The following PDE4D variants were observed in gnomAD, a reference collection of about 807,000 sequenced individuals.
The protein encoded by PDE4D is 3',5'-cyclic-AMP phosphodiesterase 4D.
In PDE4D, 24 loss-of-function variants were observed where a neutral mutation model predicts 87.4. The ratio of observed to expected loss-of-function variants is 0.27; its 90% CI spans 0.20 to 0.39. The LOEUF (loss-of-function observed/expected upper bound fraction) is 0.39, where lower values mean the gene tolerates loss of function less well. PDE4D is among the 10% of genes least tolerant of loss of function. The pLI is 1.00. For synonymous variants in PDE4D, 384 were observed against 383.2 expected (o/e 1.00, Z -0.02); for missense variants, 714 against 1,041.0 (o/e 0.69, Z 4.32).
intron 1 of PDE4D, among the ~76,000 whole-genome samples, chr5:60,243,269 G>C (rs1170190753): frequency 2.0e-5 from 3 of 151,750 alleles, no homozygotes; most frequent in African/African-American, 7.3e-5. Flanking sequence ...GGCTGAACCA[G>C]GAACAAATCC....
intron 3 of PDE4D, among the ~76,000 whole-genome samples, chr5:59,946,785 A>G (rs1022254754): frequency 2.6e-5 from 4 of 152,134 alleles, no homozygotes; most frequent in African/African-American, 9.7e-5. Flanking sequence ...GCATATTAGG[A>G]GTTATTTAAA....
At chr5:59,707,757 C>T (rs138455342) in intron 1 of PDE4D, among the ~76,000 whole-genome samples, 23 of 152,090 alleles carry the variant, frequency 1.5e-4, no homozygotes, top group Admixed American at 2.6e-4. Context: ...TAAGTGAGAA[C>T]ATTCATCCAC....
In PDE4D at chr5:59,984,244, G is replaced by GCAA. The variant is rs1561943179; in HGVS notation, c.272+4243_272+4244insTTG. Among the ~76,000 whole-genome samples, 3 of 83,444 alleles carry GCAA rather than the reference G, an allele frequency of 3.6e-5. No individual in the cohort carries two copies. The East Asian group carries it at 2.1e-3, about 57-fold the overall frequency. The allele number at this position is 83,444 out of a possible 152,430, so 54.7% of individuals were successfully genotyped here. On this transcript the variant is annotated intron_variant, in intron 3 of 16. Transcript: ENST00000502484. ...CCTTAATAAAAAGATTTTATGAAAGGTAATAGAAAATTATTTAGGAGGAAA... is the reference window on the plus strand; with the variant it reads ...CCTTAATAAAAAGATTTTATGAAAGGCAATAATAGAAAATTATTTAGGAGGAAA...
At chr5:60,461,041 A>C (rs1746895246) in intron 1 of PDE4D, among the ~76,000 whole-genome samples, 1 of 152,148 alleles carries the variant, frequency 6.6e-6, no homozygotes, top group Non-Finnish European at 1.5e-5. Context: ...TAATTGTTTG[A>C]TAATTTATTA....
At chr5:59,020,398 A>T (rs1754907985) in intron 6 of PDE4D, among the ~76,000 whole-genome samples, 1 of 151,498 alleles carries the variant, frequency 6.6e-6, no homozygotes. Context: ...ACTTGAATCC[A>T]GGAGGTGGAG....
At chr5:60,185,730 A>G (rs1784724658) in intron 1 of PDE4D, 2 of 580,880 alleles carry the variant, frequency 3.4e-6, no homozygotes, top group Non-Finnish European at 6.3e-6. Context: ...GTTATGATTA[A>G]CACTTGCACT....
chr5:59,377,065 C>CTT (rs1431969386), intron 1 of PDE4D, among the ~76,000 whole-genome samples: 4 of 152,038 alleles, frequency 2.6e-5, no homozygotes, highest in Non-Finnish European at 5.9e-5. Flanking sequence ...AAACCCAAAG[C>CTT]TATAAAAATC....
chr5:59,311,499 C>CAAAAAAA (rs35020719), intron 1 of PDE4D, among the ~76,000 whole-genome samples: 6 of 43,350 alleles, frequency 1.4e-4, no homozygotes, highest in African/African-American at 4.7e-4. Flanking sequence ...GACTCTGTCT[C>CAAAAAAA]AAAAAAAAAA....
rs142518446 is a variant in PDE4D at position 60,153,608 on chromosome 5, T to C, written c.42+31949A>G. ...AGCATTATTCGCAATAGCCAAGATATAGTATCAAACTACATGTTCATTGAT... is the reference window on the plus strand; with the variant it reads ...AGCATTATTCGCAATAGCCAAGATACAGTATCAAACTACATGTTCATTGAT... On this transcript the variant is annotated intron_variant, in intron 2 of 16. Coordinates refer to the PDE4D transcript ENST00000502484. 6.5e-3 allele frequency among the ~76,000 whole-genome samples: 987 copies of C among 152,332 alleles called. 10 individuals carry two copies. The highest frequency in any genetic ancestry group is 0.023 in the African/African-American group (940 of 41,578).
At chr5:59,976,988 A>G (rs1761404681) in intron 3 of PDE4D, among the ~76,000 whole-genome samples, 1 of 152,154 alleles carries the variant, frequency 6.6e-6, no homozygotes, top group East Asian at 1.9e-4. Context: ...GCCATTCCCC[A>G]ATTTCTCTCT....
At chr5:59,034,160 G>C (rs909072207) in intron 6 of PDE4D, among the ~76,000 whole-genome samples, 6 of 152,122 alleles carry the variant, frequency 3.9e-5, no homozygotes, top group Admixed American at 2.0e-4. Flanking sequence ...CTACATGTAA[G>C]CTACATAAAT....
At chr5:59,187,411 A>G (rs987372752) in intron 3 of PDE4D, among the ~76,000 whole-genome samples, 3 of 152,170 alleles carry the variant, frequency 2.0e-5, no homozygotes, top group Non-Finnish European at 4.4e-5. Flanking sequence ...AATCAAAATT[A>G]TTATTACTTC....
At chr5:59,619,433 C>T (rs775940931) in intron 1 of PDE4D, among the ~76,000 whole-genome samples, 1 of 152,234 alleles carries the variant, frequency 6.6e-6, no homozygotes, top group Non-Finnish European at 1.5e-5. Flanking sequence ...ATATCACAAT[C>T]ATCTGTGGAA....
intron 1 of PDE4D, among the ~76,000 whole-genome samples, chr5:60,337,388 T>TATATATATATATACACACACAC (rs66871903): frequency 1.1e-5 from 1 of 89,476 alleles, no homozygotes; most frequent in African/African-American, 4.3e-5. Flanking sequence ...TATATATATA[T>TATATATATATATACACACACAC]ACACACACAC....
At chr5:60,022,345 T>C (rs1766150238) in intron 2 of PDE4D, among the ~76,000 whole-genome samples, 1 of 152,204 alleles carries the variant, frequency 6.6e-6, no homozygotes, top group Admixed American at 6.5e-5. Context: ...ATTTATTGAA[T>C]CCTTATAACA....
intron 5 of PDE4D, chr5:59,166,353 A>G (rs1781926483): frequency 6.6e-6 from 1 of 152,150 alleles, no homozygotes; most frequent in African/African-American, 2.4e-5. Flanking sequence ...TCTCTGATCC[A>G]CTGGTCTTAG....
intron 1 of PDE4D, among the ~76,000 whole-genome samples, chr5:60,280,375 T>C (rs1751786855): frequency 6.6e-6 from 1 of 151,574 alleles, no homozygotes; most frequent in Non-Finnish European, 1.5e-5. Flanking sequence ...TTTAGTTGTA[T>C]TTAGCAGGAG....
At chr5:59,674,391 C>T (rs996011393) in intron 1 of PDE4D, among the ~76,000 whole-genome samples, 10 of 152,188 alleles carry the variant, frequency 6.6e-5, no homozygotes, top group African/African-American at 2.4e-4. Flanking sequence ...TCGCCCCCAC[C>T]AGCACAATGC....
intron 1 of PDE4D, among the ~76,000 whole-genome samples, chr5:60,497,479 T>C (rs957723214): frequency 6.6e-6 from 1 of 152,084 alleles, no homozygotes; most frequent in Non-Finnish European, 1.5e-5. Flanking sequence ...CACGGTTCAC[T>C]GCAGCCTCAA....
Sources: gnomAD v4.1 joint callset for allele counts (sites outside exome capture counted in the v4.1 genomes callset) on GRCh38, gnomAD v4.1.1 for gene constraint, MANE v1.5 for transcripts, NCBI Gene and HGNC (gene_info 2026-07-23, HGNC 2026-07-21) for gene names.